The following LONP2 variants were observed in gnomAD, a reference collection of about 807,000 sequenced individuals.
The protein encoded by LONP2 is lon peptidase 2, peroxisomal, also known as lon protease homolog 2, peroxisomal.
A neutral mutation model predicts 85.6 loss-of-function variants in LONP2; 60 were observed. The ratio of observed to expected loss-of-function variants is 0.70; its 90% CI spans 0.57 to 0.87. LONP2 has a LOEUF of 0.87. Among genes scored for constraint, LONP2 ranks in the 40% least tolerant of loss-of-function variants. The pLI is 0.00. For missense variants in LONP2, 860 were observed against 1,063.5 expected (o/e 0.81, Z 2.66); for synonymous variants, 395 against 389.7 (o/e 1.01, Z -0.16).
At chr16:48,261,634 C>A in intron 5 of LONP2, 47 bp downstream of exon 5, 2 of 1,372,156 alleles carry the variant, frequency 1.5e-6, no homozygotes, top group Non-Finnish European at 2.0e-6. Flanking sequence ...ATTCTTGGTA[C>A]TCCTGATTAA....
At chr16:48,262,000 T>C (rs756235565) in intron 5 of LONP2, among the ~76,000 whole-genome samples, 4 of 152,212 alleles carry the variant, frequency 2.6e-5, no homozygotes, top group Non-Finnish European at 5.9e-5. Context: ...TTTAACTTTA[T>C]AACTCTTATT....
At chr16:48,293,701 A>G (rs952583635) in intron 8 of LONP2, among the ~76,000 whole-genome samples, 2 of 152,154 alleles carry the variant, frequency 1.3e-5, no homozygotes, top group East Asian at 3.9e-4. Context: ...CTGGGTTAGA[A>G]GTGAGAACAG....
intron 8 of LONP2, among the ~76,000 whole-genome samples, chr16:48,280,610 T>C (rs1353644298): frequency 1.3e-5 from 2 of 152,202 alleles, no homozygotes; most frequent in Non-Finnish European, 2.9e-5. Context: ...TCAAATGATA[T>C]CTCAGAGTAA....
At chr16:48,346,389 A>G (rs1419866746) in intron 12 of LONP2, among the ~76,000 whole-genome samples, 11 of 152,156 alleles carry the variant, frequency 7.2e-5, no homozygotes, top group African/African-American at 2.7e-4. Flanking sequence ...TAGTGTTTTC[A>G]TAACTTGGAT....
Position 48,271,790 on chromosome 16 carries a change from A to T in LONP2, c.1241+1516A>T, listed in dbSNP as rs1400342513. Reference sequence around the variant, plus strand: ...AGTAAATAAACAATGAGGCGTGCAGATCAGAGTAGAGAATTGATTTGGGTG... The same window carrying T: ...AGTAAATAAACAATGAGGCGTGCAGTTCAGAGTAGAGAATTGATTTGGGTG... On this transcript the variant is annotated intron_variant, in intron 7 of 14. Coordinates refer to ENST00000285737, the MANE Select transcript of LONP2 (RefSeq NM_031490.5). 3.3e-5 allele frequency among the ~76,000 whole-genome samples: 5 copies of T among 152,326 alleles called. No individual in the cohort carries two copies. The East Asian group carries it at 7.7e-4, about 23-fold the overall frequency.
chr16:48,262,049 G>C (rs1971890256), intron 5 of LONP2, among the ~76,000 whole-genome samples: 1 of 152,124 alleles, frequency 6.6e-6, no homozygotes, highest in East Asian at 1.9e-4. Flanking sequence ...GAGCCTGCTT[G>C]AATGCTTAGT....
chr16:48,343,613 G>A (rs1959880065), intron 12 of LONP2: 1 of 152,050 alleles, frequency 6.6e-6, no homozygotes, highest in African/African-American at 2.4e-5. Context: ...CAGGAGAATT[G>A]CTTGAACCCA....
At chr16:48,258,781 A>T in intron 4 of LONP2, 41 bp downstream of exon 4, 2 of 1,555,544 alleles carry the variant, frequency 1.3e-6, no homozygotes, top group Non-Finnish European at 1.7e-6. Context: ...TGAAAAAAAA[A>T]TAAGGAGAAT....
chr16:48,297,118 G>A (rs1395909392), intron 9 of LONP2, among the ~76,000 whole-genome samples: 2 of 150,848 alleles, frequency 1.3e-5, no homozygotes, highest in African/African-American at 4.9e-5. Context: ...AGTGAGTCTC[G>A]TGTGTCAGCC....
intron 11 of LONP2, among the ~76,000 whole-genome samples, chr16:48,319,758 A>G (rs189543479): frequency 3.8e-4 from 58 of 152,272 alleles, no homozygotes; most frequent in African/African-American, 1.4e-3. Flanking sequence ...TCTCTTGGTC[A>G]CACAGCCCAA....
At chr16:48,279,566 A>G (rs1972283725) in intron 8 of LONP2, among the ~76,000 whole-genome samples, 1 of 151,644 alleles carries the variant, frequency 6.6e-6, no homozygotes, top group South Asian at 2.1e-4. Context: ...TCAGCATAGT[A>G]TATGTTCTTA....
chr16:48,261,392 A>G (rs777320208), intron 4 of LONP2, 32 bp from the exon 5 acceptor site: 11 of 1,514,428 alleles, frequency 7.3e-6, no homozygotes, highest in South Asian at 5.2e-5. Flanking sequence ...TTATTTTGAC[A>G]TACGGTTTTA....
chr16:48,332,564 T>C (rs1233560120), intron 11 of LONP2, among the ~76,000 whole-genome samples: 1 of 152,090 alleles, frequency 6.6e-6, no homozygotes, highest in Non-Finnish European at 1.5e-5. Flanking sequence ...ATGCAAAATT[T>C]AGCTGGGCAT....
chr16:48,253,469 C>CAA (rs77220864), intron 2 of LONP2, among the ~76,000 whole-genome samples: 1 of 115,592 alleles, frequency 8.7e-6, no homozygotes, highest in African/African-American at 3.2e-5. Context: ...GACCCTGACT[C>CAA]AAAAAAAAAA....
chr16:48,277,232 G>T, intron 7 of LONP2, 106 bp from the exon 8 acceptor site: 1 of 1,064,964 alleles, frequency 9.4e-7, no homozygotes, highest in Non-Finnish European at 1.4e-6. Context: ...CTATATTATA[G>T]TGATAGCTAA....
intron 11 of LONP2, among the ~76,000 whole-genome samples, chr16:48,304,078 C>A (rs1379603572): frequency 6.6e-6 from 1 of 152,200 alleles, no homozygotes; most frequent in Non-Finnish European, 1.5e-5. Flanking sequence ...TCACTATTAA[C>A]CATCACAGTA....
At position 48,295,210 on chromosome 16, in the gene LONP2, A is replaced by C. The variant is rs549546083; in HGVS notation, c.1384-805A>C. ...AACATGGTGAAACCCCATCTCTACT[A>C]AAAATACAAAAGTTAGCCAGGCATG... On this transcript the variant is annotated intron_variant, in intron 8 of 14. Transcript: ENST00000285737. 3.3e-5 allele frequency among the ~76,000 whole-genome samples: 5 copies of C among 152,284 alleles called. 1 individual carries two copies. The highest frequency in any genetic ancestry group is 3.3e-4 in the Admixed American group (5 of 15,288).
intron 8 of LONP2, among the ~76,000 whole-genome samples, chr16:48,285,919 T>C (rs1054105030): frequency 6.6e-6 from 1 of 152,168 alleles, no homozygotes; most frequent in Non-Finnish European, 1.5e-5. Context: ...TGAAGGTGTA[T>C]ACTCATTACA....
At chr16:48,298,334 A>G (rs1159249634) in intron 9 of LONP2, among the ~76,000 whole-genome samples, 1 of 152,198 alleles carries the variant, frequency 6.6e-6, no homozygotes, top group African/African-American at 2.4e-5. Flanking sequence ...TACGGGATTT[A>G]GAGACAAAGG....
Sources: allele counts gnomAD v4.1 joint callset (sites outside exome capture counted in the v4.1 genomes callset), GRCh38; gene constraint gnomAD v4.1.1; transcripts MANE v1.5; gene names NCBI Gene and HGNC (gene_info 2026-07-23, HGNC 2026-07-21).